The following SASH1 variants were observed in gnomAD, a reference collection of about 807,000 sequenced individuals.
SASH1 encodes the protein SAM and SH3 domain-containing protein 1.
SASH1 carries 44 observed loss-of-function variants against 125.2 expected under a neutral mutation model. The ratio of observed to expected loss-of-function variants is 0.35; its 90% CI spans 0.28 to 0.45. The LOEUF (loss-of-function observed/expected upper bound fraction) is 0.45. Among genes scored for constraint, SASH1 ranks in the 20% least tolerant of loss-of-function variants. The probability of loss-of-function intolerance (pLI) is 1.00; values close to 1 mark genes in which losing one functional copy is unlikely to be tolerated. For synonymous variants in SASH1, 639 were observed against 649.1 expected, an observed-to-expected ratio of 0.98 and a Z score of 0.24; for missense variants, 1,426 against 1,614.5, an observed-to-expected ratio of 0.88 and a Z score of 2.00.
chr6:148,333,514 G>A (rs987857238), intron 1 of SASH1, among the ~76,000 whole-genome samples: 4 of 152,232 alleles, frequency 2.6e-5, no homozygotes, highest in Admixed American at 2.0e-4. Context: ...TAATGATTGA[G>A]TTGTGGGCAT....
the SASH1 span, among the ~76,000 whole-genome samples, chr6:148,208,267 C>T: frequency 0.02 from 3,020 of 152,240 alleles, 100 homozygotes; most frequent in African/African-American, 0.07. Flanking sequence ...CTGGCCAGTG[C>T]GATGCTAAGG....
intron 19 of SASH1, among the ~76,000 whole-genome samples, chr6:148,546,473 G>A (rs563131486): frequency 2.6e-5 from 4 of 152,188 alleles, no homozygotes; most frequent in Admixed American, 6.5e-5. Context: ...TTTTGATGCC[G>A]GCCTGGGCAA....
chr6:148,372,802 T>A (rs554356855), intron 1 of SASH1, among the ~76,000 whole-genome samples: 1 of 152,286 alleles, frequency 6.6e-6, no homozygotes, highest in Non-Finnish European at 1.5e-5. Context: ...AGAAAAATCT[T>A]TGCCCTCCTG....
At chr6:148,336,406 G>A (rs1258731996) in intron 1 of SASH1, among the ~76,000 whole-genome samples, 2 of 151,772 alleles carry the variant, frequency 1.3e-5, no homozygotes, top group Admixed American at 6.6e-5. Context: ...TCAAACTCCC[G>A]ACCTCAGGTG....
intron 1 of SASH1, among the ~76,000 whole-genome samples, chr6:148,313,834 A>G (rs1189932370): frequency 6.6e-6 from 1 of 152,192 alleles, no homozygotes; most frequent in Non-Finnish European, 1.5e-5. Context: ...AACACATTGC[A>G]TTAATTCCTC....
the SASH1 span, among the ~76,000 whole-genome samples, chr6:148,228,088 C>T: frequency 3.9e-4 from 59 of 152,126 alleles, no homozygotes; most frequent in Non-Finnish European, 7.3e-4. Context: ...CATCCTCTAA[C>T]CTCTAAACAT....
intron 1 of SASH1, among the ~76,000 whole-genome samples, chr6:148,304,063 G>A (rs1418902829): frequency 6.6e-6 from 1 of 152,278 alleles, no homozygotes; most frequent in South Asian, 2.1e-4. Flanking sequence ...CCAACACTTT[G>A]AGAGGCCGAG....
chr6:148,328,017 C>T (rs1780887758), intron 1 of SASH1, among the ~76,000 whole-genome samples: 2 of 151,122 alleles, frequency 1.3e-5, no homozygotes, highest in South Asian at 4.2e-4. Context: ...GAGAATTATA[C>T]GTGAAGTGTT....
At chr6:148,246,472 C>T in the SASH1 span, among the ~76,000 whole-genome samples, 4 of 152,280 alleles carry the variant, frequency 2.6e-5, no homozygotes, top group East Asian at 3.9e-4. Flanking sequence ...TTATTTCACA[C>T]ATTTTTCCAT....
chr6:148,387,791 A>G (rs1268597881), intron 1 of SASH1, among the ~76,000 whole-genome samples: 1 of 148,294 alleles, frequency 6.7e-6, no homozygotes, highest in Non-Finnish European at 1.5e-5. Flanking sequence ...CAGGTTGGAG[A>G]GCAATAGTGC....
At chr6:148,392,686 A>T (rs1221135581) in intron 2 of SASH1, among the ~76,000 whole-genome samples, 1 of 152,168 alleles carries the variant, frequency 6.6e-6, no homozygotes, top group East Asian at 1.9e-4. Flanking sequence ...TTTTATGTTC[A>T]CCAATTTAGT....
rs747973079 is a variant in SASH1 at position 148,540,486 on chromosome 6, C to T, written c.2139C>T (p.Asp713=). 1.2e-6 allele frequency: 2 copies of T among 1,613,972 alleles called. No individual in the cohort carries two copies. The highest frequency in any genetic ancestry group is 1.3e-5 in the African/African-American group (1 of 74,914). The change falls in exon 17 of 20, where the codon GAC becomes GAT. Residue 713 remains aspartate (D), a synonymous_variant. Coordinates refer to ENST00000367467, the MANE Select transcript of SASH1 (RefSeq NM_015278.5). ...QSGSQEKLLV[D]SQGLSGCSPR... ...GATCCCAGGAGAAGCTGCTCGTTGA[C>T]AGCCAGGGCCTGAGTGGATGCTCAC...
intron 1 of SASH1, 42 bp downstream of exon 1, chr6:148,343,265 G>A (rs550449328): frequency 8.0e-5 from 123 of 1,538,682 alleles, no homozygotes; most frequent in Non-Finnish European, 9.6e-5. Context: ...AGTACAGTTC[G>A]CAGCAGCCCC....
At chr6:148,426,884 C>T (rs1311794287) in intron 2 of SASH1, among the ~76,000 whole-genome samples, 1 of 152,102 alleles carries the variant, frequency 6.6e-6, no homozygotes, top group Non-Finnish European at 1.5e-5. Flanking sequence ...CGGGTAATCC[C>T]AGCACTTTGG....
intron 8 of SASH1, chr6:148,513,459 T>A (rs982472978): frequency 5.0e-5 from 49 of 985,440 alleles, no homozygotes; most frequent in Non-Finnish European, 5.8e-5. Flanking sequence ...GGAAGCTGCA[T>A]ATTGGATGTT....
rs1042984703 is a variant in SASH1 at position 148,391,970 on chromosome 6, T to C, written c.285+1708T>C. On this transcript the variant is annotated intron_variant, in intron 2 of 19. Transcript: ENST00000367467. ...CATGGATATGTTTTAAGTAACAGAGTTCCTCTGCCTTTAAAAAAATGTTTG... is the reference window on the plus strand; with the variant it reads ...CATGGATATGTTTTAAGTAACAGAGCTCCTCTGCCTTTAAAAAAATGTTTG... Among the ~76,000 whole-genome samples the C allele has an allele frequency of 2.6e-5, 4 of 152,196 alleles. No individual in the cohort carries two copies. The East Asian group carries it at 7.7e-4, about 29-fold the overall frequency.
chr6:148,518,988 G>A (rs894858936), intron 9 of SASH1, among the ~76,000 whole-genome samples: 1 of 152,192 alleles, frequency 6.6e-6, no homozygotes, highest in African/African-American at 2.4e-5. Context: ...AGCTGGAGAC[G>A]ATGTGTCAGT....
intron 2 of SASH1, among the ~76,000 whole-genome samples, chr6:148,405,727 C>T (rs1293100208): frequency 6.6e-6 from 1 of 152,176 alleles, no homozygotes; most frequent in Non-Finnish European, 1.5e-5. Context: ...CTCACTCTTT[C>T]CCTCTGTGGA....
intron 1 of SASH1, among the ~76,000 whole-genome samples, chr6:148,326,331 TATATATATATATATATATATATATATGC>T (rs1194694699): frequency 6.4e-5 from 4 of 62,784 alleles, no homozygotes; most frequent in African/African-American, 6.9e-5. Context: ...TGCATATATA[TATATATATATATATATATATATATATGC>T]ATATATATAT....
Sources: gnomAD v4.1 joint callset for allele counts (sites outside exome capture counted in the v4.1 genomes callset) on GRCh38, gnomAD v4.1.1 for gene constraint, MANE v1.5 for transcripts, NCBI Gene and HGNC (gene_info 2026-07-23, HGNC 2026-07-21) for gene names.